MYO5B: variants seen among roughly 807,000 people sequenced by gnomAD.
The protein encoded by MYO5B is unconventional myosin-Vb.
Under a neutral mutation model 229.3 loss-of-function variants are expected in MYO5B, and 143 were observed. The ratio of observed to expected loss-of-function variants is 0.62; its 90% CI spans 0.54 to 0.72. The LOEUF (loss-of-function observed/expected upper bound fraction) is 0.72, where lower values mean the gene tolerates loss of function less well. Ranked by LOEUF, MYO5B falls within the 30% of genes least tolerant of loss-of-function variation. The pLI is 0.00. For missense variants in MYO5B, 2,321 were observed against 2,331.0 expected (o/e 1.00, Z 0.09); for synonymous variants, 918 against 885.2 (o/e 1.04, Z -0.66).
intron 14 of MYO5B, among the ~76,000 whole-genome samples, chr18:49,940,935 A>T (rs1344030552): frequency 1.3e-5 from 2 of 152,220 alleles, no homozygotes; most frequent in Non-Finnish European, 2.9e-5. Flanking sequence ...ATACAAAAAA[A>T]TTAGTTCCTC....
chr18:49,988,180 G>A (rs891653070), intron 7 of MYO5B, among the ~76,000 whole-genome samples: 105 of 152,170 alleles, frequency 6.9e-4, no homozygotes, highest in African/African-American at 2.2e-3. Context: ...GAGGAAGAAG[G>A]ATATGAAGCA....
chr18:49,931,460 C>T (rs112204937), intron 16 of MYO5B, among the ~76,000 whole-genome samples: 13 of 152,172 alleles, frequency 8.5e-5, no homozygotes, highest in African/African-American at 2.2e-4. Flanking sequence ...TGAGGCACAA[C>T]GGAACACTGA....
intron 1 of MYO5B, among the ~76,000 whole-genome samples, chr18:50,081,895 A>G (rs16951475): frequency 0.093 from 14,179 of 152,276 alleles, 1,211 homozygotes; most frequent in African/African-American, 0.23. Flanking sequence ...TGCCTCATCA[A>G]TTCATATTCC....
At position 50,076,592 on chromosome 18, in the gene MYO5B, T is replaced by A. The variant is rs1038149142; in HGVS notation, c.28-21214A>T. ...CATAGCCTTGGGCTTGTCAAATTCC[T>A]AGAAATGAGCAAAGGGGATCCGGCA... On this transcript the variant is annotated intron_variant, in intron 1 of 39. Coordinates refer to ENST00000285039, the MANE Select transcript of MYO5B (RefSeq NM_001080467.3). 2.9e-4 allele frequency among the ~76,000 whole-genome samples: 44 copies of A among 152,180 alleles called. 1 individual carries two copies. Among genetic ancestry groups the A allele is most frequent in the Admixed American group, 2.5e-3 (38 of 15,278 alleles).
At chr18:50,028,983 T>C (rs954752514) in intron 4 of MYO5B, among the ~76,000 whole-genome samples, 4 of 152,256 alleles carry the variant, frequency 2.6e-5, no homozygotes, top group Admixed American at 2.6e-4. Flanking sequence ...TCTCCTATTC[T>C]TTCCTAAATG....
At chr18:49,929,938 C>T (rs1248063745) in intron 16 of MYO5B, among the ~76,000 whole-genome samples, 16 of 152,128 alleles carry the variant, frequency 1.1e-4, no homozygotes, top group Admixed American at 9.8e-4. Context: ...CCTACTCTTA[C>T]TGTTTTTATC....
At chr18:49,847,959 G>A (rs1164641976) in intron 32 of MYO5B, among the ~76,000 whole-genome samples, 1 of 152,228 alleles carries the variant, frequency 6.6e-6, no homozygotes, top group Non-Finnish European at 1.5e-5. Flanking sequence ...TTTGGGAAGA[G>A]TTTCAGTGGC....
chr18:49,949,119 G>A (rs2025405243), intron 14 of MYO5B, among the ~76,000 whole-genome samples: 1 of 152,138 alleles, frequency 6.6e-6, no homozygotes, highest in Non-Finnish European at 1.5e-5. Context: ...TGGGATGCCT[G>A]TCCCATAGCC....
intron 1 of MYO5B, among the ~76,000 whole-genome samples, chr18:50,126,224 T>C (rs945311929): frequency 2.0e-5 from 3 of 152,332 alleles, no homozygotes; most frequent in Non-Finnish European, 2.9e-5. Flanking sequence ...TATTTTACCA[T>C]AATAAAAACA....
At chr18:50,172,990 G>A (rs965755437) in intron 1 of MYO5B, among the ~76,000 whole-genome samples, 19 of 152,196 alleles carry the variant, frequency 1.2e-4, no homozygotes, top group Admixed American at 6.5e-5. Context: ...TGGGCCAGGC[G>A]CAGTGGCTCA....
In MYO5B at chr18:50,030,876, GAAAAAAAAAAAAAAAAAA is replaced by G. The variant is rs869189090; in HGVS notation, c.455+5956_455+5973del. ...TCTGCAGCATCCCCACTCCCTTTCA[GAAAAAAAAAAAAAAAAAA>G]AAAAAAAAAAAAAAAAAAAAAAGCA... On this transcript the variant is annotated intron_variant, in intron 4 of 39. Transcript: ENST00000285039. Among the ~76,000 whole-genome samples, 277 of 30,492 alleles carry G rather than the reference GAAAAAAAAAAAAAAAAAA, an allele frequency of 9.1e-3. 2 individuals are homozygous for G. The highest frequency in any genetic ancestry group is 0.022 in the South Asian group (8 of 358). 20.0% of individuals were successfully genotyped at this position (30,492 alleles called of 152,430 possible). A position where few individuals can be genotyped will look rare whatever the true frequency, so the allele number is the denominator to read the frequency against.
At chr18:49,975,507 T>C (rs538187047) in intron 9 of MYO5B, among the ~76,000 whole-genome samples, 71 of 152,294 alleles carry the variant, frequency 4.7e-4, no homozygotes, top group East Asian at 1.2e-3. Flanking sequence ...CTTAGCCTCA[T>C]TGATGCTAAA....
In MYO5B at chr18:49,855,474, A is replaced by C. The variant is rs746451; in HGVS notation, c.4022+1339T>G. Among the ~76,000 whole-genome samples the C allele has an allele frequency of 8.4e-3, 1,282 of 152,346 alleles. 53 individuals carry two copies. The highest frequency in any genetic ancestry group is 0.062 in the Admixed American group (954 of 15,302). The stretch of plus-strand genomic sequence containing the variant: ...ATCTGCTGATGGAGAGGCACGAGGA[A>C]TCACCTGGCTTCACACAAGGATCCT... On this transcript the variant is annotated intron_variant, in intron 30 of 39. Coordinates refer to ENST00000285039, the MANE Select transcript of MYO5B (RefSeq NM_001080467.3).
At chr18:50,171,980 A>G (rs571638965) in intron 1 of MYO5B, among the ~76,000 whole-genome samples, 1 of 150,050 alleles carries the variant, frequency 6.7e-6, no homozygotes, top group Non-Finnish European at 1.5e-5. Context: ...AAGAGGATTA[A>G]ACCAGAATGG....
At chr18:49,980,359 T>C in intron 9 of MYO5B, 85 bp downstream of exon 9, 1 of 990,226 alleles carries the variant, frequency 1.0e-6, no homozygotes, top group South Asian at 1.3e-5. Flanking sequence ...ATGAGTGTCC[T>C]CTAACTGGAA....
intron 1 of MYO5B, among the ~76,000 whole-genome samples, chr18:50,159,877 A>G (rs976381854): frequency 6.6e-6 from 1 of 152,078 alleles, no homozygotes; most frequent in Non-Finnish European, 1.5e-5. Flanking sequence ...TGCCCTATCC[A>G]AGACTGAGCT....
At chr18:49,926,914 C>T (rs2025134138) in intron 17 of MYO5B, among the ~76,000 whole-genome samples, 1 of 152,198 alleles carries the variant, frequency 6.6e-6, no homozygotes, top group African/African-American at 2.4e-5. Flanking sequence ...AAATAAGCCA[C>T]TCACAAAAGG....
intron 1 of MYO5B, among the ~76,000 whole-genome samples, chr18:50,144,430 TAAAAG>T (rs1307768727): frequency 2.6e-5 from 4 of 152,214 alleles, no homozygotes; most frequent in Middle Eastern, 6.8e-3. Context: ...GCCCTTCACT[TAAAAG>T]AGGATAGGCA....
At chr18:49,828,909 A>C (rs1176272732) in intron 39 of MYO5B, among the ~76,000 whole-genome samples, 3 of 148,298 alleles carry the variant, frequency 2.0e-5, no homozygotes, top group Non-Finnish European at 3.0e-5. Flanking sequence ...AAATGTCTAC[A>C]TTAAAAAAAA....
Sources: allele counts gnomAD v4.1 joint callset (sites outside exome capture counted in the v4.1 genomes callset), GRCh38; gene constraint gnomAD v4.1.1; transcripts MANE v1.5; gene names NCBI Gene and HGNC (gene_info 2026-07-23, HGNC 2026-07-21).